Variants in ZBTB8A observed in about 807,000 individuals in gnomAD.
ZBTB8A encodes zinc finger and BTB domain containing 8A.
A neutral mutation model predicts 37.8 loss-of-function variants in ZBTB8A; 19 were observed. The observed-to-expected ratio is 0.50, with a 90% CI of 0.35 to 0.74. ZBTB8A has a LOEUF of 0.74. Ranked by LOEUF, ZBTB8A falls within the 30% of genes least tolerant of loss-of-function variation. The probability of loss-of-function intolerance (pLI) is 0.01; values close to 1 mark genes in which losing one functional copy is unlikely to be tolerated. For synonymous variants in ZBTB8A, 181 were observed against 185.2 expected (o/e 0.98, Z 0.19); for missense variants, 394 against 537.8 (o/e 0.73, Z 2.65).
chr1:32,545,432 C>T (rs1396477187), intron 1 of ZBTB8A, among the ~76,000 whole-genome samples: 1 of 152,120 alleles, frequency 6.6e-6, no homozygotes, highest in Non-Finnish European at 1.5e-5. Context: ...TAACAGACTT[C>T]CTTAGAGCCT....
intron 3 of ZBTB8A, 61 bp from the exon 4 acceptor site, chr1:32,594,993 C>T: frequency 5.0e-6 from 7 of 1,396,876 alleles, no homozygotes; most frequent in Admixed American, 2.3e-5. Flanking sequence ...GGATTGGATT[C>T]TTTCTGTTAT....
At chr1:32,547,828 C>CAAAAAAAAAAAAAAAAAAAAAA (rs1194254576) in intron 1 of ZBTB8A, among the ~76,000 whole-genome samples, 70 of 30,368 alleles carry the variant, frequency 2.3e-3, no homozygotes, top group South Asian at 2.9e-3. Flanking sequence ...ACAAACAAAG[C>CAAAAAAAAAAAAAAAAAAAAAA]AAAAAAAAAA....
At chr1:32,586,319 C>CA (rs1177821365) in intron 2 of ZBTB8A, among the ~76,000 whole-genome samples, 4 of 151,564 alleles carry the variant, frequency 2.6e-5, no homozygotes, top group Admixed American at 1.3e-4. Context: ...GACTCCGTCT[C>CA]AAAAAAAAGA....
At position 32,593,691 on chromosome 1, in the gene ZBTB8A, G is replaced by A. The variant is rs1644507630; in HGVS notation, c.760G>A (p.Asp254Asn). The change falls in exon 3 of 5, where the codon GAC (aspartate) becomes AAC (asparagine). Residue 254 changes from aspartate (D) to asparagine (N), a missense_variant. Coordinates refer to ENST00000373510, the MANE Select transcript of ZBTB8A (RefSeq NM_001040441.3). ...EEQAQIDAEM[D>N]STPVGYQYGQ... ...ACAAGCACAGATTGATGCTGAAATGGACTCTACTCCTGTTGGCTATCAGTA... is the reference window on the plus strand; with the variant it reads ...ACAAGCACAGATTGATGCTGAAATGAACTCTACTCCTGTTGGCTATCAGTA... The A allele has an allele frequency of 1.9e-6, 3 of 1,614,096 alleles. No individual in the cohort carries two copies. Among genetic ancestry groups the A allele is most frequent in the Non-Finnish European group, 2.5e-6 (3 of 1,180,018 alleles).
Position 32,601,451 on chromosome 1 carries a change from G to A in ZBTB8A, c.*1032G>A. On this transcript the variant is annotated 3_prime_UTR_variant, in exon 5 of 5. Transcript: ENST00000373510. ...ATCACACCATTGCACTCCAGCCTGGGCAACAAGAGCGAAACTCCGTCTCAA... is the reference window on the plus strand; with the variant it reads ...ATCACACCATTGCACTCCAGCCTGGACAACAAGAGCGAAACTCCGTCTCAA... 2.6e-6 allele frequency: 1 copy of A among 381,290 alleles called. No homozygotes were observed. The highest frequency in any genetic ancestry group is 3.7e-5 in the East Asian group (1 of 26,906). 23.6% of individuals were successfully genotyped at this position (381,290 alleles called of 1,614,324 possible). A position where few individuals can be genotyped will look rare whatever the true frequency, so the allele number is the denominator to read the frequency against.
chr1:32,548,882 C>G (rs1644127930), intron 1 of ZBTB8A, among the ~76,000 whole-genome samples: 1 of 152,126 alleles, frequency 6.6e-6, no homozygotes, highest in Non-Finnish European at 1.5e-5. Flanking sequence ...AGTCCATGCT[C>G]TCATTGATAA....
rs1366112295 is a variant in ZBTB8A at position 32,605,108 on chromosome 1, C to A, written c.*4689C>A. The A allele has an allele frequency of 7.0e-6, 1 of 142,190 alleles. No homozygotes were observed. Among genetic ancestry groups the A allele is most frequent in the Non-Finnish European group, 1.5e-5 (1 of 66,932 alleles). 8.8% of individuals were successfully genotyped at this position (142,190 alleles called of 1,614,324 possible). A position where few individuals can be genotyped will look rare whatever the true frequency, so the allele number is the denominator to read the frequency against. On this transcript the variant is annotated 3_prime_UTR_variant, in exon 5 of 5. Coordinates refer to ENST00000373510, the MANE Select transcript of ZBTB8A (RefSeq NM_001040441.3). Reference sequence around the variant, plus strand: ...GGAGGTTGCAGTGGCCGAGATCGCACCACTGCACTCCAGCCTGGGTGACAG... The same window carrying A: ...GGAGGTTGCAGTGGCCGAGATCGCAACACTGCACTCCAGCCTGGGTGACAG...
At chr1:32,593,824 A>AAATTAGCCGAGCATTGTGATGTGTG in intron 3 of ZBTB8A, 70 bp downstream of exon 3, 1 of 1,221,386 alleles carries the variant, frequency 8.2e-7, no homozygotes, top group Non-Finnish European at 1.1e-6. Flanking sequence ...TACTGTCAAA[A>AAATTAGCCGAGCATTGTGATGTGTG]CACCCTTAGT....
Position 32,539,452 on chromosome 1 carries a change from G to A in ZBTB8A, c.-204G>A, listed in dbSNP as rs1006968630. 3 of 152,522 alleles carry A rather than the reference G, an allele frequency of 2.0e-5. No homozygotes were observed. Among genetic ancestry groups the A allele is most frequent in the South Asian group, 4.1e-4 (2 of 4,828 alleles). 9.4% of individuals were successfully genotyped at this position (152,522 alleles called of 1,614,324 possible). On this transcript the variant is annotated 5_prime_UTR_variant, in exon 1 of 5. Coordinates refer to ENST00000373510, the MANE Select transcript of ZBTB8A (RefSeq NM_001040441.3). Reference sequence around the variant, plus strand: ...AGCAAATACCTTTTGTTTCTCTCACGTTGGGGCTACTTGTTTTAGGGCGCA... The same window carrying A: ...AGCAAATACCTTTTGTTTCTCTCACATTGGGGCTACTTGTTTTAGGGCGCA...
Position 32,601,049 on chromosome 1 carries a change from T to C in ZBTB8A, c.*630T>C, listed in dbSNP as rs1211053517. On this transcript the variant is annotated 3_prime_UTR_variant, in exon 5 of 5. Coordinates refer to ENST00000373510, the MANE Select transcript of ZBTB8A (RefSeq NM_001040441.3). ...ATTAGCTTAAAAATTACTCTCAGTA[T>C]TGTTAAAAAAAAAAAAAAGTAGAGG... The C allele has an allele frequency of 6.7e-6, 1 of 150,050 alleles. No homozygotes were observed. Among genetic ancestry groups the C allele is most frequent in the African/African-American group, 2.5e-5 (1 of 40,542 alleles). 9.3% of individuals were successfully genotyped at this position (150,050 alleles called of 1,614,324 possible). A position where few individuals can be genotyped will look rare whatever the true frequency, so the allele number is the denominator to read the frequency against.
intron 2 of ZBTB8A, among the ~76,000 whole-genome samples, chr1:32,576,089 C>T (rs1437424872): frequency 6.6e-6 from 1 of 152,130 alleles, no homozygotes; most frequent in African/African-American, 2.4e-5. Context: ...TGCCTACCTG[C>T]TTTTGTAAAT....
intron 2 of ZBTB8A, among the ~76,000 whole-genome samples, chr1:32,574,030 C>T (rs985528671): frequency 6.6e-6 from 1 of 151,520 alleles, no homozygotes; most frequent in Non-Finnish European, 1.5e-5. Context: ...GAGCTGAGAT[C>T]GCACCATTGC....
intron 2 of ZBTB8A, among the ~76,000 whole-genome samples, chr1:32,559,488 G>A (rs1215176128): frequency 6.6e-6 from 1 of 151,928 alleles, no homozygotes; most frequent in Non-Finnish European, 1.5e-5. Flanking sequence ...TTTTGAGACA[G>A]AGTCTTACTG....
At chr1:32,547,356 T>C (rs1248335049) in intron 1 of ZBTB8A, among the ~76,000 whole-genome samples, 2 of 149,678 alleles carry the variant, frequency 1.3e-5, no homozygotes, top group Non-Finnish European at 3.0e-5. Context: ...TTCTTTCTTT[T>C]TTTTTTTTTT....
At chr1:32,596,776 G>A (rs1459852721) in intron 4 of ZBTB8A, among the ~76,000 whole-genome samples, 1 of 151,940 alleles carries the variant, frequency 6.6e-6, no homozygotes, top group African/African-American at 2.4e-5. Flanking sequence ...TTCTTTTGAT[G>A]GTAAATAGTT....
chr1:32,574,211 T>C (rs184567525), intron 2 of ZBTB8A, among the ~76,000 whole-genome samples: 49 of 152,368 alleles, frequency 3.2e-4, no homozygotes, highest in Admixed American at 8.5e-4. Context: ...GTTTAATGTT[T>C]AATTTCCAAG....
chr1:32,545,061 A>G (rs1644091742), intron 1 of ZBTB8A, among the ~76,000 whole-genome samples: 3 of 152,178 alleles, frequency 2.0e-5, no homozygotes, highest in African/African-American at 4.8e-5. Flanking sequence ...ATGTTTAATC[A>G]TTTGAGGAAC....
At chr1:32,596,229 G>A (rs1299809629) in intron 4 of ZBTB8A, among the ~76,000 whole-genome samples, 11 of 152,076 alleles carry the variant, frequency 7.2e-5, no homozygotes, top group Non-Finnish European at 1.5e-4. Flanking sequence ...AATTAGCCAG[G>A]CGTGGTGGCG....
chr1:32,599,104 T>G (rs1310940169), intron 4 of ZBTB8A, among the ~76,000 whole-genome samples: 2 of 152,114 alleles, frequency 1.3e-5, no homozygotes, highest in Non-Finnish European at 2.9e-5. Flanking sequence ...TCCTTCTATC[T>G]AAAATATTAA....
Sources: gnomAD v4.1 joint callset for allele counts (sites outside exome capture counted in the v4.1 genomes callset) on GRCh38, gnomAD v4.1.1 for gene constraint, MANE v1.5 for transcripts, NCBI Gene and HGNC (gene_info 2026-07-23, HGNC 2026-07-21) for gene names.